The following EIF4G3 variants were observed in gnomAD, a reference collection of about 807,000 sequenced individuals.
The protein encoded by EIF4G3 is eukaryotic translation initiation factor 4 gamma 3, also known as eIF-4-gamma 3.
A neutral mutation model predicts 186.4 loss-of-function variants in EIF4G3; 34 were observed. The observed-to-expected ratio is 0.18, with a 90% CI of 0.14 to 0.24. The LOEUF is 0.24. EIF4G3 is among the 10% of genes least tolerant of loss of function. The pLI is 1.00. For missense variants in EIF4G3, 1,536 were observed against 1,948.5 expected (o/e 0.79, Z 3.99); for synonymous variants, 673 against 679.5 (o/e 0.99, Z 0.15).
intron 14 of EIF4G3, among the ~76,000 whole-genome samples, chr1:20,922,797 G>C (rs2094574236): frequency 6.7e-6 from 1 of 150,368 alleles, no homozygotes; most frequent in African/African-American, 2.5e-5. Context: ...ATAATTATTA[G>C]GGTTTGAGTT....
chr1:20,926,278 C>T (rs2094882034), intron 14 of EIF4G3, among the ~76,000 whole-genome samples: 3 of 152,138 alleles, frequency 2.0e-5, no homozygotes, highest in African/African-American at 7.2e-5. Context: ...TCCTCCATGC[C>T]TCATTCTCCT....
rs2095715209 is a variant in EIF4G3, at chr1:20,941,595, T to A, written c.1559A>T (p.Glu520Val). ...TTTGTTCTGAATCTCTTTTGCATCT[T>A]CACTAAGGCAAGTTCTTATGCTCTC... ...EDESIRTCLS[E>V]DAKEIQNKIE... The change falls in exon 14 of 37, where the codon GAA (glutamate) becomes GTA (valine). Residue 520 changes from glutamate (E) to valine (V), a missense_variant. Transcript: ENST00000602326. The A allele has an allele frequency of 6.2e-7, 1 of 1,614,194 alleles. No individual in the cohort carries two copies. The highest frequency in any genetic ancestry group is 1.3e-5 in the African/African-American group (1 of 75,050).
chr1:21,120,657 A>G (rs1230023191), intron 2 of EIF4G3, among the ~76,000 whole-genome samples: 1 of 151,998 alleles, frequency 6.6e-6, no homozygotes, highest in Non-Finnish European at 1.5e-5. Flanking sequence ...ACTATTATAC[A>G]AATACATATA....
chr1:20,981,944 C>T (rs2078385882), intron 8 of EIF4G3, among the ~76,000 whole-genome samples: 1 of 151,976 alleles, frequency 6.6e-6, no homozygotes. Flanking sequence ...TAAAAGTAGC[C>T]TCCTAAAAGA....
At chr1:20,993,944 T>A (rs762437215) in intron 7 of EIF4G3, among the ~76,000 whole-genome samples, 41 of 152,356 alleles carry the variant, frequency 2.7e-4, no homozygotes, top group Non-Finnish European at 5.1e-4. Flanking sequence ...TGTAAATCTT[T>A]CAGGGTTTAG....
chr1:21,029,168 C>T (rs981019313), intron 4 of EIF4G3, among the ~76,000 whole-genome samples: 1 of 152,090 alleles, frequency 6.6e-6, no homozygotes, highest in African/African-American at 2.4e-5. Flanking sequence ...CAGGTGCACA[C>T]AACCACACCC....
chr1:21,026,535 T>G (rs887171928), intron 4 of EIF4G3, among the ~76,000 whole-genome samples: 2 of 147,900 alleles, frequency 1.4e-5, no homozygotes, highest in African/African-American at 4.9e-5. Context: ...AAAAAAAAAG[T>G]AGACAACTTG....
At chr1:20,999,787 G>A (rs926292719) in intron 6 of EIF4G3, 9 of 424,280 alleles carry the variant, frequency 2.1e-5, no homozygotes, top group Admixed American at 1.7e-4. Flanking sequence ...GTAAGCAACA[G>A]AACAAACTGT....
chr1:20,884,348 G>A (rs151211327), intron 19 of EIF4G3, among the ~76,000 whole-genome samples: 2 of 152,008 alleles, frequency 1.3e-5, no homozygotes, highest in African/African-American at 2.4e-5. Flanking sequence ...CTTTCATGAC[G>A]CTTGACAACT....
intron 12 of EIF4G3, among the ~76,000 whole-genome samples, chr1:20,959,655 CAATAAT>C (rs61144464): frequency 0.32 from 46,029 of 142,272 alleles, 7,670 homozygotes; most frequent in Non-Finnish European, 0.36. Context: ...AACAAATCAG[CAATAAT>C]AATAATAATA....
At chr1:21,073,762 T>C (rs1352896700) in intron 3 of EIF4G3, 2 of 436,928 alleles carry the variant, frequency 4.6e-6, no homozygotes, top group Non-Finnish European at 9.2e-6. Context: ...TATTGTCACA[T>C]GCTGGATCAT....
At chr1:20,944,904 C>T (rs781630069) in intron 13 of EIF4G3, among the ~76,000 whole-genome samples, 93 of 151,960 alleles carry the variant, frequency 6.1e-4, no homozygotes, top group Non-Finnish European at 1.1e-3. Flanking sequence ...ACTCAGGAGG[C>T]CAAGGTGAGA....
chr1:21,092,898 T>C (rs948777022), intron 2 of EIF4G3, among the ~76,000 whole-genome samples: 2 of 152,190 alleles, frequency 1.3e-5, no homozygotes, highest in Non-Finnish European at 2.9e-5. Context: ...GCTAGCCATA[T>C]GTAGAAAGCT....
rs570305547 is a variant in EIF4G3, at chr1:21,113,121, G to A, written c.-271-23908C>T. ...AGCTATGATTGCACCACTGTACTCCGGCCTGGCTGATAGAGGCCCTATCTC... is the reference window on the plus strand; with the variant it reads ...AGCTATGATTGCACCACTGTACTCCAGCCTGGCTGATAGAGGCCCTATCTC... On this transcript the variant is annotated intron_variant, in intron 2 of 36. Transcript: ENST00000602326. Among the ~76,000 whole-genome samples, 9 of 124,404 alleles carry A rather than the reference G, an allele frequency of 7.2e-5. No individual in the cohort carries two copies. In the East Asian group the frequency reaches 1.2e-3, roughly 17 times the overall value. 81.6% of individuals were successfully genotyped at this position (124,404 alleles called of 152,430 possible).
At chr1:20,916,082 T>TA (rs981712472) in intron 14 of EIF4G3, among the ~76,000 whole-genome samples, 48 of 151,912 alleles carry the variant, frequency 3.2e-4, no homozygotes, top group African/African-American at 1.2e-3. Context: ...AAAATTGAAA[T>TA]AAAAAATACC....
At position 20,927,151 on chromosome 1, in the gene EIF4G3, C is replaced by G. The variant is rs1028238053; in HGVS notation, c.1663+14340G>C. ...ATCCGCCTCCTGGGTTCAAGCAATT[C>G]TCCTGCCTCAGCCTCCTGAGTAGCT... is the stretch of plus-strand genomic sequence containing the variant. On this transcript the variant is annotated intron_variant, in intron 14 of 36. Transcript: ENST00000602326. 2.0e-5 allele frequency among the ~76,000 whole-genome samples: 3 copies of G among 150,442 alleles called. No individual in the cohort carries two copies. In the South Asian group the frequency reaches 6.3e-4, roughly 31 times the overall value.
intron 2 of EIF4G3, among the ~76,000 whole-genome samples, chr1:21,144,207 T>C (rs547546295): frequency 1.2e-4 from 19 of 152,282 alleles, no homozygotes; most frequent in African/African-American, 4.6e-4. Flanking sequence ...GGAGATAACA[T>C]CCCTCCCATA....
rs184912433 is a variant in EIF4G3, at chr1:21,016,114, T to C, written c.-66-13306A>G. Among the ~76,000 whole-genome samples, 682 of 152,308 alleles carry C rather than the reference T, an allele frequency of 4.5e-3. 5 individuals carry two copies. Among genetic ancestry groups the C allele is most frequent in the African/African-American group, 0.016 (647 of 41,566 alleles). The stretch of plus-strand genomic sequence containing the variant: ...CATAAAAATCTAAGGGCACACACTA[T>C]ATAAAGATGCGATTTGTGACATCAA... On this transcript the variant is annotated intron_variant, in intron 4 of 36. Transcript: ENST00000602326.
chr1:21,138,902 TCAGA>T (rs1434732349), intron 2 of EIF4G3, among the ~76,000 whole-genome samples: 3 of 152,172 alleles, frequency 2.0e-5, no homozygotes, highest in Admixed American at 1.3e-4. Flanking sequence ...CTTTGTTTTT[TCAGA>T]CAAAGTCTCA....
Sources: allele counts gnomAD v4.1 joint callset (sites outside exome capture counted in the v4.1 genomes callset), GRCh38; gene constraint gnomAD v4.1.1; transcripts MANE v1.5; gene names NCBI Gene and HGNC (gene_info 2026-07-23, HGNC 2026-07-21).